The following TMCC1 variants were observed in gnomAD, a reference collection of about 807,000 sequenced individuals.
TMCC1 encodes transmembrane and coiled-coil domains protein 1.
A neutral mutation model predicts 52.4 loss-of-function variants in TMCC1; 15 were observed. The ratio of observed to expected loss-of-function variants is 0.29; its 90% CI spans 0.19 to 0.44. The LOEUF is 0.44. TMCC1 is among the 20% of genes least tolerant of loss of function. The pLI, the probability that TMCC1 is intolerant of heterozygous loss-of-function variation, is 1.00. For missense variants in TMCC1, 503 were observed against 806.0 expected (o/e 0.62, Z 4.55); for synonymous variants, 279 against 301.9 (o/e 0.92, Z 0.79).
intron 4 of TMCC1, among the ~76,000 whole-genome samples, chr3:129,710,792 A>C (rs2048613810): frequency 6.6e-6 from 1 of 152,242 alleles, no homozygotes; most frequent in African/African-American, 2.4e-5. Context: ...AAAGACACTA[A>C]GTCCAGGATA....
intron 3 of TMCC1, among the ~76,000 whole-genome samples, chr3:129,829,086 T>C (rs2058787058): frequency 6.6e-6 from 1 of 152,246 alleles, no homozygotes; most frequent in African/African-American, 2.4e-5. Flanking sequence ...TTTGCTCTTT[T>C]GAGAAGAGAA....
At chr3:129,864,256 G>GAGC (rs1239741640) in intron 2 of TMCC1, among the ~76,000 whole-genome samples, 1 of 152,176 alleles carries the variant, frequency 6.6e-6, no homozygotes. Context: ...GACTAGGTCT[G>GAGC]AGCAGTCAAT....
intron 4 of TMCC1, among the ~76,000 whole-genome samples, chr3:129,808,697 A>G (rs1435873586): frequency 6.6e-6 from 1 of 151,414 alleles, no homozygotes; most frequent in East Asian, 1.9e-4. Context: ...GGCATAATGT[A>G]AACAGCATAT....
At chr3:129,836,704 T>C (rs980696116) in intron 2 of TMCC1, among the ~76,000 whole-genome samples, 2 of 152,146 alleles carry the variant, frequency 1.3e-5, no homozygotes, top group Non-Finnish European at 2.9e-5. Context: ...CCAGTGCAGA[T>C]AGGAAGATTA....
chr3:129,784,659 C>T (rs541647024), intron 4 of TMCC1, among the ~76,000 whole-genome samples: 1 of 150,750 alleles, frequency 6.6e-6, no homozygotes, highest in Non-Finnish European at 1.5e-5. Flanking sequence ...GGAGTGGTTT[C>T]GCTATTTCAT....
chr3:129,648,843 C>T lies in TMCC1; in HGVS notation c.*2638G>A, dbSNP rs527695619. On this transcript the variant is annotated 3_prime_UTR_variant, in exon 7 of 7. Transcript: ENST00000393238. ...AACTCAAAAGTAACAGGATGGGCAG[C>T]AAAAGGTACAGCAAAGAATGAAAAC... 2.0e-5 allele frequency: 3 copies of T among 152,098 alleles called. No individual in the cohort carries two copies. The highest frequency in any genetic ancestry group is 4.4e-5 in the Non-Finnish European group (3 of 68,052). The allele number at this position is 152,098 out of a possible 1,614,324, so 9.4% of individuals were successfully genotyped here.
Position 129,818,451 on chromosome 3 carries a change from A to T in TMCC1, c.576+9352T>A, listed in dbSNP as rs562174241. 5.7e-4 allele frequency among the ~76,000 whole-genome samples: 81 copies of T among 142,534 alleles called. 1 individual carries two copies. The highest frequency in any genetic ancestry group is 2.1e-3 in the African/African-American group (78 of 37,854). The allele number at this position is 142,534 out of a possible 152,430, so 93.5% of individuals were successfully genotyped here. ...AAAGAAACTTTTAAAGAAAAGTTTT[A>T]AAGAAACTTTTAAAGAAAAGTTTTA... On this transcript the variant is annotated intron_variant, in intron 4 of 6. Transcript: ENST00000393238.
At chr3:129,842,477 AAC>A (rs61106930) in intron 2 of TMCC1, among the ~76,000 whole-genome samples, 4,680 of 147,356 alleles carry the variant, frequency 0.032, 197 homozygotes, top group African/African-American at 0.093. Context: ...AAAAAAACAA[AAC>A]ACACACACAC....
chr3:129,814,805 A>G (rs2058016360), intron 4 of TMCC1, among the ~76,000 whole-genome samples: 1 of 152,222 alleles, frequency 6.6e-6, no homozygotes, highest in Non-Finnish European at 1.5e-5. Context: ...GAAGAGACAA[A>G]GTAGGTCACT....
chr3:129,663,819 A>C (rs1298188389), intron 5 of TMCC1, among the ~76,000 whole-genome samples: 1 of 152,094 alleles, frequency 6.6e-6, no homozygotes, highest in East Asian at 1.9e-4. Flanking sequence ...AGGAGGAGGG[A>C]GCATTTGTTG....
chr3:129,710,210 C>T (rs1354683783), intron 4 of TMCC1, among the ~76,000 whole-genome samples: 1 of 151,820 alleles, frequency 6.6e-6, no homozygotes, highest in African/African-American at 2.4e-5. Context: ...AACAAACAAA[C>T]AAACAAAAAC....
intron 2 of TMCC1, among the ~76,000 whole-genome samples, chr3:129,837,335 A>G (rs182810210): frequency 1.5e-3 from 228 of 152,296 alleles, no homozygotes; most frequent in African/African-American, 5.1e-3. Context: ...TGCAAGACTC[A>G]GACTCTCACG....
chr3:129,780,230 A>G (rs924222696), intron 4 of TMCC1, among the ~76,000 whole-genome samples: 2 of 152,134 alleles, frequency 1.3e-5, no homozygotes, highest in African/African-American at 4.8e-5. Flanking sequence ...CAAGCCCTCA[A>G]TTTGATAATT....
intron 4 of TMCC1, among the ~76,000 whole-genome samples, chr3:129,785,602 T>TAA (rs2055955908): frequency 1.4e-5 from 2 of 145,248 alleles, no homozygotes; most frequent in South Asian, 4.5e-4. Flanking sequence ...CACACACACA[T>TAA]ACACACACAC....
intron 4 of TMCC1, among the ~76,000 whole-genome samples, chr3:129,692,562 GAT>G (rs374565404): frequency 1.0e-3 from 158 of 152,286 alleles, no homozygotes; most frequent in African/African-American, 3.4e-3. Flanking sequence ...GTGTTAAAGA[GAT>G]GTGTGTGACT....
Position 129,706,447 on chromosome 3 carries a change from G to A in TMCC1, c.577-35183C>T, listed in dbSNP as rs1271112405. On this transcript the variant is annotated intron_variant, in intron 4 of 6. Transcript: ENST00000393238. ...TCTGGAACTCTTGACCTCAGGTGAT[G>A]CTCCCACCTCAGCCTCCCAAAGTGC... 1.1e-4 allele frequency among the ~76,000 whole-genome samples: 16 copies of A among 151,346 alleles called. 1 individual carries two copies. The highest frequency in any genetic ancestry group is 3.0e-5 in the Non-Finnish European group (2 of 67,736).
intron 4 of TMCC1, among the ~76,000 whole-genome samples, chr3:129,816,245 G>T (rs1477876045): frequency 6.6e-6 from 1 of 152,126 alleles, no homozygotes; most frequent in African/African-American, 2.4e-5. Context: ...ATAGCCAAAA[G>T]AAAAGAAATC....
intron 4 of TMCC1, among the ~76,000 whole-genome samples, chr3:129,823,956 A>G (rs2058542839): frequency 6.6e-6 from 1 of 152,244 alleles, no homozygotes; most frequent in African/African-American, 2.4e-5. Flanking sequence ...AAGAGGTTAA[A>G]GAGTGAACTC....
chr3:129,666,671 CG>C (rs2087481545), intron 5 of TMCC1, among the ~76,000 whole-genome samples: 1 of 152,032 alleles, frequency 6.6e-6, no homozygotes, highest in African/African-American at 2.4e-5. Context: ...ACCCAGGAGG[CG>C]GAGGTTGCAG....
Sources: allele counts gnomAD v4.1 joint callset (sites outside exome capture counted in the v4.1 genomes callset), GRCh38; gene constraint gnomAD v4.1.1; transcripts MANE v1.5; gene names NCBI Gene and HGNC (gene_info 2026-07-23, HGNC 2026-07-21).